CUL1: variants seen among roughly 807,000 people sequenced by gnomAD.
The protein encoded by CUL1 is cullin 1, also known as cullin-1.
CUL1 carries 24 observed loss-of-function variants against 118.0 expected under a neutral mutation model. The ratio of observed to expected loss-of-function variants is 0.20; its 90% CI spans 0.15 to 0.29. CUL1 has a LOEUF of 0.29. Ranked by LOEUF, CUL1 falls within the 10% of genes least tolerant of loss-of-function variation. CUL1 has a pLI of 1.00. For missense variants in CUL1, 361 were observed against 933.8 expected (o/e 0.39, Z 7.99); for synonymous variants, 332 against 340.4 (o/e 0.98, Z 0.27).
chr7:148,770,827 C>A (rs368243008), intron 9 of CUL1, among the ~76,000 whole-genome samples: 2 of 152,220 alleles, frequency 1.3e-5, no homozygotes, highest in African/African-American at 4.8e-5. Context: ...TAGTTTTTAT[C>A]ATTTATGTGG....
At chr7:148,699,830 G>C (rs1797663806) in intron 1 of CUL1, among the ~76,000 whole-genome samples, 1 of 152,026 alleles carries the variant, frequency 6.6e-6, no homozygotes, top group Non-Finnish European at 1.5e-5. Context: ...GTCCCAACGG[G>C]AGCGCGCGCC....
rs552544822 is a variant in CUL1, at chr7:148,783,220, C to T, written c.1084-563C>T. The T allele has an allele frequency of 2.2e-5, 10 of 463,702 alleles. No homozygotes were observed. In the South Asian group the frequency reaches 2.7e-4, roughly 13 times the overall value. 28.7% of individuals were successfully genotyped at this position (463,702 alleles called of 1,614,324 possible). A position where few individuals can be genotyped will look rare whatever the true frequency, so the allele number is the denominator to read the frequency against. On this transcript the variant is annotated intron_variant, in intron 9 of 21. Transcript: ENST00000325222. ...TGTTGTTCCTTGTTCCGGGGAGGCCCCTTTGCTGCCCTGCGCCGCGCTCCG... is the reference window on the plus strand; with the variant it reads ...TGTTGTTCCTTGTTCCGGGGAGGCCTCTTTGCTGCCCTGCGCCGCGCTCCG...
rs1422086472 is a variant in CUL1, at chr7:148,790,496, AT to A, written c.1806+57del. The A allele has an allele frequency of 8.2e-6, 12 of 1,466,606 alleles. No homozygotes were observed. In the East Asian group the frequency reaches 2.7e-4, roughly 33 times the overall value. The allele number at this position is 1,466,606 out of a possible 1,614,324, so 90.8% of individuals were successfully genotyped here. On this transcript the variant is annotated intron_variant, in intron 16 of 21. Coordinates refer to ENST00000325222, the MANE Select transcript of CUL1 (RefSeq NM_003592.3). ...TCTATTCTAAATGAACATAAGGCAA[AT>A]TATGGAAATCATTATCAGCTGACTC...
intron 2 of CUL1, among the ~76,000 whole-genome samples, chr7:148,742,897 C>T (rs1157723989): frequency 6.6e-6 from 1 of 152,154 alleles, no homozygotes; most frequent in African/African-American, 2.4e-5. Context: ...AGCCATCATG[C>T]CCAACTCTTT....
At chr7:148,788,251 GA>G (rs1800886017) in intron 13 of CUL1, among the ~76,000 whole-genome samples, 1 of 152,210 alleles carries the variant, frequency 6.6e-6, no homozygotes, top group Admixed American at 6.5e-5. Flanking sequence ...AAGAGATAGA[GA>G]CAGATTATTT....
intron 1 of CUL1, among the ~76,000 whole-genome samples, chr7:148,727,758 C>G (rs910397298): frequency 6.6e-6 from 1 of 151,160 alleles, no homozygotes; most frequent in Non-Finnish European, 1.5e-5. Flanking sequence ...GGAAAGGAGA[C>G]TGAGGTGGCA....
intron 1 of CUL1, among the ~76,000 whole-genome samples, chr7:148,727,741 G>T (rs1330801899): frequency 6.6e-6 from 1 of 152,068 alleles, no homozygotes; most frequent in African/African-American, 2.4e-5. Context: ...CAGAGATCCT[G>T]TGGCGGGGAA....
intron 15 of CUL1, 129 bp from the exon 16 acceptor site, chr7:148,790,181 G>GTGTGTT: frequency 2.0e-6 from 2 of 991,830 alleles, no homozygotes; most frequent in Non-Finnish European, 1.6e-6. Flanking sequence ...GACACCTGGC[G>GTGTGTT]TTTGTATTTT....
chr7:148,722,148 T>C (rs1347955095), intron 1 of CUL1, among the ~76,000 whole-genome samples: 2 of 152,200 alleles, frequency 1.3e-5, no homozygotes, highest in African/African-American at 4.8e-5. Flanking sequence ...CCCTGTCCAG[T>C]CTTGGGACCA....
At chr7:148,764,062 A>T (rs1799926627) in intron 7 of CUL1, among the ~76,000 whole-genome samples, 1 of 152,246 alleles carries the variant, frequency 6.6e-6, no homozygotes, top group African/African-American at 2.4e-5. Context: ...TGAGCTACAG[A>T]AACTCTGTAT....
intron 2 of CUL1, among the ~76,000 whole-genome samples, chr7:148,730,998 A>G (rs779153394): frequency 3.9e-5 from 6 of 152,214 alleles, no homozygotes; most frequent in Admixed American, 6.5e-5. Flanking sequence ...TATTGTTTAT[A>G]GAGACAGAGT....
At chr7:148,730,297 A>T (rs1428048965) in intron 2 of CUL1, 35 bp downstream of exon 2, 17 of 1,569,638 alleles carry the variant, frequency 1.1e-5, no homozygotes, top group Non-Finnish European at 1.4e-5. Context: ...GATTGCTTAG[A>T]GTTTTGATTA....
chr7:148,743,474 G>C (rs1438411813), intron 2 of CUL1, among the ~76,000 whole-genome samples: 5 of 152,202 alleles, frequency 3.3e-5, no homozygotes, highest in Non-Finnish European at 5.9e-5. Flanking sequence ...ACTGGGTGTA[G>C]AATGTTACAA....
intron 2 of CUL1, among the ~76,000 whole-genome samples, chr7:148,741,294 A>T (rs575067781): frequency 3.3e-5 from 5 of 152,324 alleles, no homozygotes; most frequent in South Asian, 2.1e-4. Flanking sequence ...TCAGATGGTA[A>T]CTGTGTGTTT....
In CUL1 at chr7:148,724,489, G is replaced by A. The variant is rs143355655; in HGVS notation, c.-161-5473G>A. Among the ~76,000 whole-genome samples the A allele has an allele frequency of 3.1e-3, 472 of 152,250 alleles. 1 individual carries two copies. Among genetic ancestry groups the A allele is most frequent in the Middle Eastern group, 6.8e-3 (2 of 294 alleles). On this transcript the variant is annotated intron_variant, in intron 1 of 21. Coordinates refer to ENST00000325222, the MANE Select transcript of CUL1 (RefSeq NM_003592.3). ...TGTGGTAAAAACTCATGCGGGCTCCGGGAGCCAGCAGCTAGTGTGTGTGTG... is the reference window on the plus strand; with the variant it reads ...TGTGGTAAAAACTCATGCGGGCTCCAGGAGCCAGCAGCTAGTGTGTGTGTG...
intron 11 of CUL1, among the ~76,000 whole-genome samples, chr7:148,785,579 G>A (rs1449637107): frequency 6.9e-6 from 1 of 145,574 alleles, no homozygotes; most frequent in African/African-American, 2.6e-5. Context: ...GGCCAGGCTC[G>A]TCTCGAACTC....
intron 7 of CUL1, among the ~76,000 whole-genome samples, chr7:148,765,226 A>T (rs1378284419): frequency 1.3e-5 from 2 of 152,190 alleles, no homozygotes; most frequent in Non-Finnish European, 2.9e-5. Flanking sequence ...TTAGTTCTTG[A>T]TAGTACAAGT....
chr7:148,730,260 C>T lies in CUL1; in HGVS notation c.138C>T (p.Tyr46=), dbSNP rs757364120. 6.2e-7 allele frequency: 1 copy of T among 1,611,748 alleles called. No homozygotes were observed. The highest frequency in any genetic ancestry group is 1.7e-5 in the Admixed American group (1 of 59,616). Residue 46 remains tyrosine, a splice_region_variant and synonymous_variant, in exon 2 of 22, where the codon TAC becomes TAT. Coordinates refer to ENST00000325222, the MANE Select transcript of CUL1 (RefSeq NM_003592.3). ...SMAKSRYMEL[Y]THVYNYCTSV... is the part of the protein sequence containing the mutation. The stretch of plus-strand genomic sequence containing the variant: ...CCAAGTCCAGATATATGGAGCTCTA[C>T]ACGTATCCTCCTGCCTAGCGCAGGT...
intron 1 of CUL1, among the ~76,000 whole-genome samples, chr7:148,725,577 T>C (rs891202066): frequency 6.6e-6 from 1 of 152,194 alleles, no homozygotes; most frequent in African/African-American, 2.4e-5. Context: ...CCTTGTCATC[T>C]CGTGGGTGCC....
Sources: gnomAD v4.1 joint callset for allele counts (sites outside exome capture counted in the v4.1 genomes callset) on GRCh38, gnomAD v4.1.1 for gene constraint, MANE v1.5 for transcripts, NCBI Gene and HGNC (gene_info 2026-07-23, HGNC 2026-07-21) for gene names.